Variants in CNTLN observed in about 807,000 individuals in gnomAD.
The protein encoded by CNTLN is centlein, also known as centlein, centrosomal protein.
Under a neutral mutation model 180.0 loss-of-function variants are expected in CNTLN, and 212 were observed. That is an observed-to-expected ratio of 1.18 (90% confidence interval 1.05 to 1.32). CNTLN has a LOEUF of 1.32. Ranked by LOEUF, CNTLN falls within the 40% of genes most tolerant of loss-of-function variation. CNTLN has a pLI of 0.00. For missense variants in CNTLN, 2,095 were observed against 1,610.9 expected (o/e 1.30, Z -5.14); for synonymous variants, 722 against 563.1 (o/e 1.28, Z -3.99).
chr9:17,246,415 A>G (rs540893240), intron 5 of CNTLN, among the ~76,000 whole-genome samples: 1 of 152,252 alleles, frequency 6.6e-6, no homozygotes, highest in South Asian at 2.1e-4. Context: ...ATCTTTCTCT[A>G]TATGAGCTGC....
intron 5 of CNTLN, among the ~76,000 whole-genome samples, chr9:17,240,215 C>T (rs1825400612): frequency 6.6e-6 from 1 of 152,024 alleles, no homozygotes; most frequent in Non-Finnish European, 1.5e-5. Flanking sequence ...ATTTTTGATG[C>T]TATTGTAATC....
chr9:17,259,646 T>C (rs563181334), intron 5 of CNTLN, among the ~76,000 whole-genome samples: 2 of 151,084 alleles, frequency 1.3e-5, no homozygotes, highest in Non-Finnish European at 2.9e-5. Context: ...ATTGCCACAA[T>C]TTCAGATCCT....
At chr9:17,261,749 A>G (rs897038639) in intron 5 of CNTLN, among the ~76,000 whole-genome samples, 2 of 151,384 alleles carry the variant, frequency 1.3e-5, no homozygotes, top group African/African-American at 2.5e-5. Context: ...TAATTAAACT[A>G]AAGAGGTTCT....
intron 2 of CNTLN, among the ~76,000 whole-genome samples, chr9:17,207,072 G>A (rs1349237274): frequency 2.0e-5 from 3 of 152,162 alleles, no homozygotes; most frequent in African/African-American, 7.2e-5. Flanking sequence ...GGTGAGTGCG[G>A]TGTCTGACTC....
chr9:17,448,202 GA>G, intron 18 of CNTLN: 1 of 190,704 alleles, frequency 5.2e-6, no homozygotes. Flanking sequence ...AACCCATTTG[GA>G]AATGCATTGT....
intron 10 of CNTLN, among the ~76,000 whole-genome samples, chr9:17,339,229 C>G (rs1463523163): frequency 6.6e-6 from 1 of 152,148 alleles, no homozygotes; most frequent in African/African-American, 2.4e-5. Flanking sequence ...GAATGACAGA[C>G]TACCCATACT....
chr9:17,166,718 C>A, intron 2 of CNTLN: 1 of 262,636 alleles, frequency 3.8e-6, no homozygotes, highest in South Asian at 4.1e-5. Flanking sequence ...TGTTTTCAAC[C>A]TAAAATTCTA....
At chr9:17,526,481 C>G in the CNTLN span, among the ~76,000 whole-genome samples, 3 of 152,278 alleles carry the variant, frequency 2.0e-5, no homozygotes, top group South Asian at 2.1e-4. Flanking sequence ...TTACTGAATA[C>G]TTCCAAGTTA....
intron 15 of CNTLN, among the ~76,000 whole-genome samples, chr9:17,400,950 A>G (rs1424577740): frequency 6.6e-6 from 1 of 152,182 alleles, no homozygotes; most frequent in Non-Finnish European, 1.5e-5. Context: ...AAAAATCTTT[A>G]TGATTGCAAA....
chr9:17,325,231 C>T (rs1820188466), intron 8 of CNTLN, among the ~76,000 whole-genome samples: 1 of 147,518 alleles, frequency 6.8e-6, no homozygotes, highest in Admixed American at 6.8e-5. Flanking sequence ...CATTTATTTT[C>T]AGGATATAGA....
intron 2 of CNTLN, among the ~76,000 whole-genome samples, chr9:17,188,916 C>G (rs1459176005): frequency 2.0e-5 from 3 of 151,466 alleles, no homozygotes; most frequent in African/African-American, 7.3e-5. Flanking sequence ...GTTTCTACTT[C>G]TTTGCATACC....
At chr9:17,294,567 G>C (rs1000438416) in intron 6 of CNTLN, among the ~76,000 whole-genome samples, 7 of 150,446 alleles carry the variant, frequency 4.7e-5, no homozygotes, top group Admixed American at 2.0e-4. Flanking sequence ...CCCTTAGCTA[G>C]ACATAAAGGT....
chr9:17,511,287 T>C, the CNTLN span, among the ~76,000 whole-genome samples: 4,255 of 152,288 alleles, frequency 0.028, 93 homozygotes, highest in Non-Finnish European at 0.047. Flanking sequence ...CCAGCAATTA[T>C]CATGGGTTTT....
chr9:17,317,367 T>C (rs1292216613), intron 8 of CNTLN, among the ~76,000 whole-genome samples: 1 of 152,208 alleles, frequency 6.6e-6, no homozygotes, highest in Non-Finnish European at 1.5e-5. Flanking sequence ...GTAAAATTTA[T>C]AGTAAAATGC....
At chr9:17,390,115 A>G (rs1825980275) in intron 14 of CNTLN, among the ~76,000 whole-genome samples, 1 of 151,946 alleles carries the variant, frequency 6.6e-6, no homozygotes, top group African/African-American at 2.4e-5. Context: ...GAGAAAATAA[A>G]TTTCTGTTGT....
intron 5 of CNTLN, among the ~76,000 whole-genome samples, chr9:17,258,073 A>T (rs1244514287): frequency 6.6e-6 from 1 of 150,508 alleles, no homozygotes; most frequent in Non-Finnish European, 1.5e-5. Flanking sequence ...CCTGAATGGT[A>T]TTGCCTAGGT....
rs529691918 is a variant in CNTLN, at chr9:17,215,585, A to T, written c.450-10618A>T. On this transcript the variant is annotated intron_variant, in intron 2 of 25. Transcript: ENST00000380647. Reference sequence around the variant, plus strand: ...CGACTGCTCTCTTCAAAGCTGTCAGACAGGGACATTTAAGTCTGCAGAGAT... The same window carrying T: ...CGACTGCTCTCTTCAAAGCTGTCAGTCAGGGACATTTAAGTCTGCAGAGAT... Among the ~76,000 whole-genome samples, 351 of 152,320 alleles carry T rather than the reference A, an allele frequency of 2.3e-3. 2 individuals carry two copies. Among genetic ancestry groups the T allele is most frequent in the African/African-American group, 8.2e-3 (339 of 41,574 alleles).
Position 17,466,113 on chromosome 9 carries a change from A to G in CNTLN, c.3664A>G (p.Lys1222Glu), listed in dbSNP as rs1386116144. Residue 1222 changes from lysine (K) to glutamate (E), a missense_variant, in exon 22 of 26, where the codon AAA becomes GAA. Physicochemically the swap from Lys to Glu is moderately conservative, Grantham distance 56 (BLOSUM62 1). Transcript: ENST00000380647. The part of the protein sequence containing the change: ...MYQKSKEELE[K>E]KDLKLTLLVS... ...TCAGAAATCTAAAGAGGAGTTAGAA[A>G]AAAAGGTATGCTTTTAAAAAGGGCA... The G allele has an allele frequency of 3.1e-6, 5 of 1,600,678 alleles. No individual in the cohort carries two copies. The Admixed American group carries it at 5.1e-5, about 16-fold the overall frequency.
intron 12 of CNTLN, among the ~76,000 whole-genome samples, chr9:17,362,286 C>T (rs1464721357): frequency 2.6e-5 from 4 of 152,130 alleles, no homozygotes; most frequent in African/African-American, 7.2e-5. Context: ...GTATGTTCCA[C>T]GTTCTTAAAT....
Sources: gnomAD v4.1 joint callset for allele counts (sites outside exome capture counted in the v4.1 genomes callset) on GRCh38, gnomAD v4.1.1 for gene constraint, MANE v1.5 for transcripts, NCBI Gene and HGNC (gene_info 2026-07-23, HGNC 2026-07-21) for gene names.